CSMD1: variants seen among roughly 807,000 people sequenced by gnomAD.
CSMD1 encodes the protein CUB and sushi domain-containing protein 1.
In CSMD1, 213 loss-of-function variants were observed where a neutral mutation model predicts 417.5. The ratio of observed to expected loss-of-function variants is 0.51; its 90% CI spans 0.46 to 0.57. CSMD1 has a LOEUF of 0.57. Among genes scored for constraint, CSMD1 ranks in the 20% least tolerant of loss-of-function variants. The probability of loss-of-function intolerance (pLI) is 0.00; values close to 1 mark genes in which losing one functional copy is unlikely to be tolerated. For missense variants in CSMD1, 6,923 were observed against 4,529.7 expected (o/e 1.53, Z -15.17); for synonymous variants, 2,862 against 1,736.8 (o/e 1.65, Z -16.11).
chr8:3,914,978 T>C (rs763174798), intron 5 of CSMD1, among the ~76,000 whole-genome samples: 1 of 152,174 alleles, frequency 6.6e-6, no homozygotes, highest in South Asian at 2.1e-4. Flanking sequence ...TGATGAAAGC[T>C]GAACGGAACA....
intron 7 of CSMD1, among the ~76,000 whole-genome samples, chr8:3,656,430 T>A (rs1394637031): frequency 6.6e-6 from 1 of 152,220 alleles, no homozygotes; most frequent in Non-Finnish European, 1.5e-5. Context: ...ACAGCATTTC[T>A]TATCTTTGTG....
chr8:4,198,518 G>T (rs1409039968), intron 3 of CSMD1, among the ~76,000 whole-genome samples: 1 of 152,162 alleles, frequency 6.6e-6, no homozygotes, highest in Non-Finnish European at 1.5e-5. Flanking sequence ...GGATGGATTT[G>T]GGGGATGAGA....
chr8:3,273,117 A>G (rs1563211422), intron 26 of CSMD1, among the ~76,000 whole-genome samples: 1 of 151,846 alleles, frequency 6.6e-6, no homozygotes, highest in South Asian at 2.1e-4. Context: ...TCAATACCTT[A>G]TTTATTGAGA....
chr8:4,202,283 CT>C (rs926029704), intron 3 of CSMD1, among the ~76,000 whole-genome samples: 26 of 152,106 alleles, frequency 1.7e-4, no homozygotes, highest in African/African-American at 5.8e-4. Context: ...ACTGATTATG[CT>C]TTAAAAAAAT....
intron 17 of CSMD1, among the ~76,000 whole-genome samples, chr8:3,392,068 G>T (rs1201325191): frequency 7.1e-6 from 1 of 140,884 alleles, no homozygotes; most frequent in African/African-American, 2.6e-5. Context: ...AGAACAAATG[G>T]ATCCAGGAAG....
At chr8:3,050,021 C>T (rs886787160) in intron 50 of CSMD1, among the ~76,000 whole-genome samples, 1 of 151,720 alleles carries the variant, frequency 6.6e-6, no homozygotes, top group African/African-American at 2.4e-5. Flanking sequence ...GCAAGTCTTT[C>T]TCAGATAGTA....
At chr8:4,261,847 T>C (rs77644703) in intron 3 of CSMD1, among the ~76,000 whole-genome samples, 430 of 152,332 alleles carry the variant, frequency 2.8e-3, no homozygotes, top group African/African-American at 0.01. Context: ...AAAGATTTTG[T>C]TCATTATACC....
intron 3 of CSMD1, among the ~76,000 whole-genome samples, chr8:4,097,815 A>T (rs1801099955): frequency 6.6e-6 from 1 of 152,162 alleles, no homozygotes; most frequent in African/African-American, 2.4e-5. Flanking sequence ...TGGGTGGGTT[A>T]TGTTTGCCCT....
intron 3 of CSMD1, among the ~76,000 whole-genome samples, chr8:4,353,398 G>A (rs908022818): frequency 7.2e-5 from 11 of 152,230 alleles, no homozygotes; most frequent in African/African-American, 2.4e-4. Flanking sequence ...GGAACTGTGA[G>A]TCCACTAAAC....
At chr8:3,614,788 G>C (rs971326942) in intron 8 of CSMD1, among the ~76,000 whole-genome samples, 2 of 152,182 alleles carry the variant, frequency 1.3e-5, no homozygotes, top group Non-Finnish European at 2.9e-5. Flanking sequence ...TAGTCACTGA[G>C]GATGCAAAGA....
intron 25 of CSMD1, among the ~76,000 whole-genome samples, chr8:3,290,413 T>C (rs1446337991): frequency 6.8e-6 from 1 of 146,658 alleles, no homozygotes. Context: ...TAAGTTACCT[T>C]GGGCGGTATG....
chr8:4,117,165 A>T (rs1302865233), intron 3 of CSMD1, among the ~76,000 whole-genome samples: 1 of 151,708 alleles, frequency 6.6e-6, no homozygotes, highest in East Asian at 1.9e-4. Flanking sequence ...TCCTCGAATT[A>T]TCTGAGTATT....
intron 10 of CSMD1, among the ~76,000 whole-genome samples, chr8:3,499,485 ACT>A (rs1796504060): frequency 6.6e-6 from 1 of 151,522 alleles, no homozygotes; most frequent in South Asian, 2.1e-4. Context: ...GCATTCAGCA[ACT>A]CCACTGCTTG....
chr8:4,020,197 T>C (rs1796720046), intron 4 of CSMD1, among the ~76,000 whole-genome samples: 1 of 152,136 alleles, frequency 6.6e-6, no homozygotes, highest in Non-Finnish European at 1.5e-5. Context: ...TTTATACACA[T>C]AAAAATCTTG....
intron 3 of CSMD1, among the ~76,000 whole-genome samples, chr8:4,258,753 T>C (rs1803663432): frequency 6.6e-6 from 1 of 152,016 alleles, no homozygotes; most frequent in South Asian, 2.1e-4. Context: ...CACAGACATT[T>C]AGTCCTTAAC....
chr8:4,527,589 C>A (rs576913706), intron 2 of CSMD1, among the ~76,000 whole-genome samples: 23 of 152,120 alleles, frequency 1.5e-4, no homozygotes, highest in African/African-American at 5.1e-4. Flanking sequence ...GCATCTTGTG[C>A]TTAAGAAGTT....
At chr8:2,960,800 C>G (rs761386125) in intron 62 of CSMD1, among the ~76,000 whole-genome samples, 22 of 151,714 alleles carry the variant, frequency 1.5e-4, no homozygotes, top group Admixed American at 1.1e-3. Flanking sequence ...GACAAGTTAC[C>G]CCAATCTGAG....
chr8:4,761,838 T>C (rs181833799), intron 1 of CSMD1, among the ~76,000 whole-genome samples: 1 of 45,348 alleles, frequency 2.2e-5, no homozygotes, highest in Non-Finnish European at 4.6e-5. Context: ...GTACCATGCA[T>C]CTATCTATCT....
At chr8:4,555,535 A>G (rs534648877) in intron 2 of CSMD1, among the ~76,000 whole-genome samples, 1 of 152,262 alleles carries the variant, frequency 6.6e-6, no homozygotes, top group South Asian at 2.1e-4. Flanking sequence ...TCTGCATCCC[A>G]GTTCCTTTTT....
Sources: allele counts gnomAD v4.1 joint callset (sites outside exome capture counted in the v4.1 genomes callset), GRCh38; gene constraint gnomAD v4.1.1; transcripts MANE v1.5; gene names NCBI Gene and HGNC (gene_info 2026-07-23, HGNC 2026-07-21).